The following VMP1 variants were observed in gnomAD, a reference collection of about 807,000 sequenced individuals.
VMP1 encodes ectopic P-granules autophagy protein 3 homolog.
Under a neutral mutation model 56.0 loss-of-function variants are expected in VMP1, and 11 were observed. That is an observed-to-expected ratio of 0.20 (90% CI 0.12 to 0.32). VMP1 has a LOEUF of 0.32. Among genes scored for constraint, VMP1 ranks in the 10% least tolerant of loss-of-function variants. The pLI, the probability that VMP1 is intolerant of heterozygous loss-of-function variation, is 1.00. For missense variants in VMP1, 296 were observed against 490.3 expected (o/e 0.60, Z 3.74); for synonymous variants, 149 against 165.0 (o/e 0.90, Z 0.74).
At chr17:59,802,036 A>G (rs2037687556) in intron 7 of VMP1, among the ~76,000 whole-genome samples, 1 of 152,002 alleles carries the variant, frequency 6.6e-6, no homozygotes, top group African/African-American at 2.4e-5. Context: ...CCCCATCTCT[A>G]CTAAAAATAC....
At chr17:59,832,172 A>C (rs2038829801) in intron 10 of VMP1, among the ~76,000 whole-genome samples, 1 of 149,756 alleles carries the variant, frequency 6.7e-6, no homozygotes, top group African/African-American at 2.5e-5. Flanking sequence ...GGAAAAGCAA[A>C]TGAGATCAAC....
At chr17:59,817,621 TC>T in intron 9 of VMP1, 90 bp from the exon 10 acceptor site, 1 of 906,312 alleles carries the variant, frequency 1.1e-6, no homozygotes, top group South Asian at 1.6e-5. Flanking sequence ...AGGGGCACAA[TC>T]TTACCTCTTT....
chr17:59,735,628 G>T, intron 3 of VMP1, 155 bp downstream of exon 3: 2 of 792,936 alleles, frequency 2.5e-6, no homozygotes, highest in Non-Finnish European at 1.9e-6. Context: ...CCTTTCTTTA[G>T]GTTGAAGAAA....
rs1307645697 is a variant in VMP1, at chr17:59,801,091, A to AAAAAAT, written c.715-7704_715-7703insAAAATA. The stretch of plus-strand genomic sequence containing the variant: ...CAAGACTCCATCTCGAAAAAAAAAA[A>AAAAAAT]ATATATATATATATATATATATGTG... On this transcript the variant is annotated intron_variant, in intron 7 of 11. Coordinates refer to ENST00000262291, the MANE Select transcript of VMP1 (RefSeq NM_030938.5). Among the ~76,000 whole-genome samples, 449 of 109,284 alleles carry AAAAAAT rather than the reference A, an allele frequency of 4.1e-3. 10 individuals are homozygous for AAAAAAT. Among genetic ancestry groups the AAAAAAT allele is most frequent in the Non-Finnish European group, 5.7e-3 (322 of 56,822 alleles). The allele number at this position is 109,284 out of a possible 152,430, so 71.7% of individuals were successfully genotyped here.
chr17:59,750,838 A>G (rs1221902236), intron 5 of VMP1, among the ~76,000 whole-genome samples: 2 of 152,092 alleles, frequency 1.3e-5, no homozygotes, highest in African/African-American at 4.8e-5. Flanking sequence ...TGCAAGTTAC[A>G]AATTTCATTC....
intron 7 of VMP1, among the ~76,000 whole-genome samples, chr17:59,796,481 T>C (rs1022940975): frequency 2.6e-5 from 4 of 152,252 alleles, no homozygotes; most frequent in African/African-American, 9.6e-5. Context: ...ACATAGTAGT[T>C]ATCAGGTTTA....
chr17:59,783,493 A>G (rs2036897314), intron 7 of VMP1, among the ~76,000 whole-genome samples: 2 of 152,258 alleles, frequency 1.3e-5, no homozygotes, highest in South Asian at 4.1e-4. Context: ...ACCTTGAGCA[A>G]TTTTAGCATC....
intron 7 of VMP1, among the ~76,000 whole-genome samples, chr17:59,808,261 C>T (rs970285924): frequency 2.0e-5 from 3 of 152,176 alleles, no homozygotes; most frequent in Non-Finnish European, 4.4e-5. Flanking sequence ...TACCTACATA[C>T]CAGAATCGAA....
intron 7 of VMP1, among the ~76,000 whole-genome samples, chr17:59,795,615 G>T (rs553966613): frequency 6.6e-6 from 1 of 151,678 alleles, no homozygotes; most frequent in Non-Finnish European, 1.5e-5. Context: ...TTCAAGACCA[G>T]CCTGGGCAAC....
intron 10 of VMP1, among the ~76,000 whole-genome samples, chr17:59,828,982 G>A (rs549005930): frequency 3.3e-5 from 5 of 152,258 alleles, no homozygotes; most frequent in African/African-American, 1.2e-4. Context: ...AGGGTGTAGT[G>A]GTGCCTACCT....
chr17:59,760,045 C>T (rs531710321), intron 5 of VMP1, among the ~76,000 whole-genome samples: 34 of 150,056 alleles, frequency 2.3e-4, no homozygotes. Flanking sequence ...ATCTCATGAG[C>T]CTGGGCAGTC....
chr17:59,738,744 CTTACT>C, intron 4 of VMP1, 88 bp from the exon 5 acceptor site: 1 of 939,318 alleles, frequency 1.1e-6, no homozygotes, highest in Non-Finnish European at 1.6e-6. Flanking sequence ...CTATTTGAAA[CTTACT>C]TTAGTTGATT....
intron 5 of VMP1, among the ~76,000 whole-genome samples, chr17:59,744,538 T>C (rs1182381101): frequency 6.8e-6 from 1 of 148,122 alleles, no homozygotes. Context: ...GCCTGTAGTC[T>C]CAGCACTTTG....
Position 59,733,187 on chromosome 17 carries a change from CA to C in VMP1, c.76+1676del, listed in dbSNP as rs924011390. 2.8e-3 allele frequency among the ~76,000 whole-genome samples: 413 copies of C among 145,026 alleles called. 2 individuals carry two copies. Among genetic ancestry groups the C allele is most frequent in the African/African-American group, 9.8e-3 (389 of 39,632 alleles). On this transcript the variant is annotated intron_variant, in intron 2 of 11. Transcript: ENST00000262291. ...GGTGACAGAGCAAGACCCTGTCCCC[CA>C]AAAAAAAAAATTTATTCTTTATTAT...
chr17:59,714,046 GAAAAAAAAAA>G (rs771155795), intron 1 of VMP1, among the ~76,000 whole-genome samples: 1 of 61,784 alleles, frequency 1.6e-5, no homozygotes, highest in Admixed American at 2.0e-4. Flanking sequence ...GTCTTAAAAG[GAAAAAAAAAA>G]AAAAAAAAAA....
intron 5 of VMP1, among the ~76,000 whole-genome samples, chr17:59,762,743 T>A (rs113944596): frequency 2.8e-4 from 42 of 152,280 alleles, no homozygotes; most frequent in Admixed American, 7.2e-4. Context: ...CAGACTTCTT[T>A]AGAAGAAAGA....
At position 59,841,155 on chromosome 17, in the gene VMP1, GA is replaced by G. The variant is rs1555630062; in HGVS notation, c.*1247del. 2.9e-6 allele frequency: 1 copy of G among 342,232 alleles called. No homozygotes were observed. The highest frequency in any genetic ancestry group is 6.7e-6 in the Non-Finnish European group (1 of 148,828). 21.2% of individuals were successfully genotyped at this position (342,232 alleles called of 1,614,324 possible). ...ATTGGGGTTCGATCTTAACAGGCCA[GA>G]AATGCCTGGGTTTTTTTGGTTTGTT... is the stretch of plus-strand genomic sequence containing the variant. On this transcript the variant is annotated 3_prime_UTR_variant, in exon 12 of 12. Coordinates refer to ENST00000262291, the MANE Select transcript of VMP1 (RefSeq NM_030938.5).
chr17:59,794,995 C>CTT (rs59397471), intron 7 of VMP1, among the ~76,000 whole-genome samples: 4,735 of 121,174 alleles, frequency 0.039, 341 homozygotes, highest in African/African-American at 0.099. Context: ...CAGATTTGAT[C>CTT]TTTTTTTTTT....
chr17:59,802,540 G>A (rs1019953139), intron 7 of VMP1, among the ~76,000 whole-genome samples: 3 of 152,066 alleles, frequency 2.0e-5, no homozygotes, highest in Non-Finnish European at 4.4e-5. Flanking sequence ...TTTATCTTCG[G>A]TAACATTGCA....
Sources: gnomAD v4.1 joint callset for allele counts (sites outside exome capture counted in the v4.1 genomes callset) on GRCh38, gnomAD v4.1.1 for gene constraint, MANE v1.5 for transcripts, NCBI Gene and HGNC (gene_info 2026-07-23, HGNC 2026-07-21) for gene names.